LIPA: variants seen among roughly 807,000 people sequenced by gnomAD.
The protein encoded by LIPA is lipase A, lysosomal acid type, also known as lysosomal acid lipase/cholesteryl ester hydrolase.
In LIPA, 26 loss-of-function variants were observed where a neutral mutation model predicts 40.6. That is an observed-to-expected ratio of 0.64 (90% CI 0.47 to 0.89). The LOEUF is 0.89. LIPA is among the 40% of genes least tolerant of loss of function. LIPA has a pLI of 0.00. For missense variants in LIPA, 455 were observed against 479.6 expected (o/e 0.95, Z 0.48); for synonymous variants, 188 against 168.4 (o/e 1.12, Z -0.90).
chr10:89,395,774 G>A (rs1397793952), intron 2 of LIPA, among the ~76,000 whole-genome samples: 1 of 152,042 alleles, frequency 6.6e-6, no homozygotes, highest in Non-Finnish European at 1.5e-5. Flanking sequence ...AGGCAGGGCT[G>A]TAGATTGTAG....
rs910128987 is a variant in LIPA at position 89,283,645 on chromosome 10, T to C, written c.-1-35996A>G. 5.9e-5 allele frequency: 9 copies of C among 152,188 alleles called. No individual in the cohort carries two copies. The South Asian group carries it at 8.3e-4, about 14-fold the overall frequency. 9.4% of individuals were successfully genotyped at this position (152,188 alleles called of 1,614,324 possible). ...CCAGTTGAGTGCCCAGCCAGAAAGA[T>C]TAAAGCTCTCCCTGCTGAAATCTCC... On this transcript the variant is annotated intron_variant, in intron 1 of 5. Coordinates refer to the LIPA transcript ENST00000282673.
chr10:89,224,759 G>A (rs1842744786), intron 6 of LIPA, among the ~76,000 whole-genome samples: 2 of 152,172 alleles, frequency 1.3e-5, no homozygotes, highest in South Asian at 4.1e-4. Flanking sequence ...TACATCCTCT[G>A]TGCACAGGCT....
Position 89,218,964 on chromosome 10 carries a change from G to A in LIPA, c.895-2955C>T, listed in dbSNP as rs1340196808. Reference sequence around the variant, plus strand: ...TGTAGTATGATCTGACTTTTGTAATGGAAATGATTATATTACAAAACTGTA... The same window carrying A: ...TGTAGTATGATCTGACTTTTGTAATAGAAATGATTATATTACAAAACTGTA... On this transcript the variant is annotated intron_variant, in intron 8 of 9. Coordinates refer to ENST00000336233, the MANE Select transcript of LIPA (RefSeq NM_000235.4). Among the ~76,000 whole-genome samples, 3 of 152,068 alleles carry A rather than the reference G, an allele frequency of 2.0e-5. No individual in the cohort carries two copies. In the East Asian group the frequency reaches 5.8e-4, roughly 29 times the overall value.
At chr10:89,372,584 C>T (rs546696257) in intron 2 of LIPA, among the ~76,000 whole-genome samples, 2 of 152,278 alleles carry the variant, frequency 1.3e-5, no homozygotes, top group East Asian at 3.9e-4. Flanking sequence ...CAACAGAGTA[C>T]CTGGCCTGTA....
chr10:89,245,980 C>T (rs1458973787), intron 2 of LIPA, among the ~76,000 whole-genome samples, 187 bp from the exon 3 acceptor site: 2 of 152,092 alleles, frequency 1.3e-5, no homozygotes, highest in African/African-American at 2.4e-5. Context: ...TTGTTTCACG[C>T]TTGTGTTCCA....
upstream of LIPA, among the ~76,000 whole-genome samples, chr10:89,343,510 C>T (rs542154291): frequency 2.0e-5 from 3 of 152,150 alleles, no homozygotes; most frequent in Admixed American, 6.5e-5. Flanking sequence ...CCATGGTTCA[C>T]TCCAGGGGAG....
intron 1 of LIPA, chr10:89,306,475 A>G: frequency 6.2e-7 from 1 of 1,614,092 alleles, no homozygotes; most frequent in Non-Finnish European, 8.5e-7. Flanking sequence ...AGAACCCAGA[A>G]TTCACCTCTG....
At chr10:89,243,191 C>T (rs1842983694) in intron 3 of LIPA, among the ~76,000 whole-genome samples, 1 of 152,222 alleles carries the variant, frequency 6.6e-6, no homozygotes, top group Non-Finnish European at 1.5e-5. Flanking sequence ...CCAGTGGCAA[C>T]AACCTTGCTC....
At position 89,353,582 on chromosome 10, in the gene LIPA, G is replaced by A. The variant is rs147878407; in HGVS notation, c.61+59209C>T. On this transcript the variant is annotated intron_variant, in intron 2 of 8. Coordinates refer to the LIPA transcript ENST00000371837. ...GTGGGCAAATTGTGAAGGAAGTAAC[G>A]AAAGACCCCAGAAGCATGCCAACTT... 7.9e-5 allele frequency among the ~76,000 whole-genome samples: 12 copies of A among 152,040 alleles called. No homozygotes were observed. In the East Asian group the frequency reaches 2.3e-3, roughly 29 times the overall value.
Position 89,410,281 on chromosome 10 carries a change from T to TA in LIPA, c.61+2509dup, listed in dbSNP as rs1180406060. Among the ~76,000 whole-genome samples, 4 of 152,332 alleles carry TA rather than the reference T, an allele frequency of 2.6e-5. No individual in the cohort carries two copies. In the East Asian group the frequency reaches 7.7e-4, roughly 29 times the overall value. ...TATGGCTATCAGACAACTGCCTACT[T>TA]AGATACCAGGTGCTACTCCTTGAGG... On this transcript the variant is annotated intron_variant, in intron 2 of 8. Coordinates refer to the LIPA transcript ENST00000371837.
intron 1 of LIPA, among the ~76,000 whole-genome samples, chr10:89,341,870 C>T (rs1347609465): frequency 6.6e-6 from 1 of 152,112 alleles, no homozygotes; most frequent in Non-Finnish European, 1.5e-5. Context: ...TATTAAGAGG[C>T]TAACATAGTA....
In LIPA at chr10:89,222,524, A is replaced by G. The variant is rs756310979; in HGVS notation, c.881T>C (p.Leu294Ser). The G allele has an allele frequency of 1.2e-6, 2 of 1,609,270 alleles. No individual in the cohort carries two copies. The highest frequency in any genetic ancestry group is 1.7e-6 in the Non-Finnish European group (2 of 1,175,500). ...TGGAATGCCTACCTGGCTCCAGTGT[A>G]ACATGTTTTGCACAGAAGTTCCAGC... ...SPAGTSVQNM[L>S]HWSQAVKFQK... is the part of the protein sequence containing the mutation. The change falls in exon 8 of 10, where the codon TTA (leucine) becomes TCA (serine). Residue 294 changes from leucine (L) to serine (S), a missense_variant. Coordinates refer to ENST00000336233, the MANE Select transcript of LIPA (RefSeq NM_000235.4).
chr10:89,391,404 T>TG (rs1271367750), intron 2 of LIPA, among the ~76,000 whole-genome samples: 3 of 150,200 alleles, frequency 2.0e-5, no homozygotes, highest in South Asian at 2.1e-4. Flanking sequence ...TTTGTAGAGT[T>TG]GGGGTCTCCC....
chr10:89,264,146 A>G lies in LIPA; in HGVS notation c.-1-16497T>C, dbSNP rs12573541. On this transcript the variant is annotated intron_variant, in intron 1 of 5. Coordinates refer to the LIPA transcript ENST00000282673. Reference sequence around the variant, plus strand: ...CCCTTCTCTCCTTCTCATTGCTGGCAACATGGCAAGCAGGGGGGGTGGTAG... The same window carrying G: ...CCCTTCTCTCCTTCTCATTGCTGGCGACATGGCAAGCAGGGGGGGTGGTAG... Among the ~76,000 whole-genome samples, 579 of 152,286 alleles carry G rather than the reference A, an allele frequency of 3.8e-3. 32 individuals are homozygous for G. The East Asian group carries it at 0.09, about 24-fold the overall frequency.
At chr10:89,392,789 A>G (rs1844276721) in intron 2 of LIPA, 1 of 1,493,478 alleles carries the variant, frequency 6.7e-7, no homozygotes, top group Admixed American at 1.7e-5. Context: ...TACTATTTCA[A>G]CAGGTTAGAT....
intron 1 of LIPA, among the ~76,000 whole-genome samples, chr10:89,279,728 T>G (rs535297224): frequency 2.0e-5 from 3 of 152,178 alleles, no homozygotes; most frequent in African/African-American, 7.2e-5. Context: ...GAAGGAGGGA[T>G]TTTCCAGCCT....
chr10:89,370,041 G>A (rs1200014812), intron 2 of LIPA, among the ~76,000 whole-genome samples: 1 of 152,250 alleles, frequency 6.6e-6, no homozygotes, highest in Non-Finnish European at 1.5e-5. Context: ...GACACTGCAG[G>A]CTTTTATGTA....
At chr10:89,345,828 T>C (rs185187472), upstream of LIPA, among the ~76,000 whole-genome samples, 326 of 152,208 alleles carry the variant, frequency 2.1e-3, 1 homozygote, top group African/African-American at 7.4e-3. Context: ...GAAGTTAAAA[T>C]GCATGTGATC....
At chr10:89,225,903 G>T (rs1231283576) in intron 5 of LIPA, among the ~76,000 whole-genome samples, 1 of 152,046 alleles carries the variant, frequency 6.6e-6, no homozygotes, top group Non-Finnish European at 1.5e-5. Context: ...ACTCTCTCTT[G>T]TCTGCCACCA....
Sources: allele counts gnomAD v4.1 joint callset (sites outside exome capture counted in the v4.1 genomes callset), GRCh38; gene constraint gnomAD v4.1.1; transcripts MANE v1.5; gene names NCBI Gene and HGNC (gene_info 2026-07-23, HGNC 2026-07-21).